The following MPPED1 variants were observed in gnomAD, a reference collection of about 807,000 sequenced individuals.
MPPED1 encodes metallophosphoesterase domain containing 1, also known as metallophosphoesterase domain-containing protein 1.
Under a neutral mutation model 36.2 loss-of-function variants are expected in MPPED1, and 16 were observed. The observed-to-expected ratio is 0.44, with a 90% CI of 0.30 to 0.67. The LOEUF (loss-of-function observed/expected upper bound fraction) is 0.67. Ranked by LOEUF, MPPED1 falls within the 30% of genes least tolerant of loss-of-function variation. The pLI, the probability that MPPED1 is intolerant of heterozygous loss-of-function variation, is 0.10. For missense variants in MPPED1, 307 were observed against 453.4 expected, an observed-to-expected ratio of 0.68 and a Z score of 2.93; for synonymous variants, 199 against 191.3, an observed-to-expected ratio of 1.04 and a Z score of -0.33.
chr22:43,435,004 C>T, intron 2 of MPPED1, 30 bp from the exon 3 acceptor site: 1 of 1,605,914 alleles, frequency 6.2e-7, no homozygotes, highest in East Asian at 2.2e-5. Flanking sequence ...TCCATGGCCT[C>T]CTGATCCGCA....
At chr22:43,491,004 C>G (rs917419049) in intron 4 of MPPED1, among the ~76,000 whole-genome samples, 1 of 152,206 alleles carries the variant, frequency 6.6e-6, no homozygotes, top group African/African-American at 2.4e-5. Context: ...CTCTGTGACT[C>G]AGTCCATGTG....
chr22:43,481,477 A>G (rs574158088), intron 4 of MPPED1, among the ~76,000 whole-genome samples: 1 of 152,146 alleles, frequency 6.6e-6, no homozygotes, highest in African/African-American at 2.4e-5. Context: ...CATAGACCTA[A>G]CTCCAGTGCC....
intron 3 of MPPED1, among the ~76,000 whole-genome samples, chr22:43,438,306 G>A (rs135063): frequency 0.021 from 3,129 of 152,246 alleles, 49 homozygotes; most frequent in Middle Eastern, 0.051. Context: ...TGAGAATGAG[G>A]CAGCCTTGTG....
chr22:43,439,103 T>A (rs73887309), intron 3 of MPPED1, among the ~76,000 whole-genome samples: 69 of 152,336 alleles, frequency 4.5e-4, no homozygotes, highest in African/African-American at 1.6e-3. Flanking sequence ...TCTGCGTGGT[T>A]AAATTCCTGC....
intron 2 of MPPED1, among the ~76,000 whole-genome samples, chr22:43,433,760 G>GA (rs135072): frequency 0.011 from 1,618 of 150,002 alleles, 35 homozygotes; most frequent in African/African-American, 0.038. Flanking sequence ...TATATTGTCT[G>GA]AAAAAAAAAA....
At chr22:43,484,068 G>A (rs1569085001) in intron 4 of MPPED1, among the ~76,000 whole-genome samples, 1 of 152,250 alleles carries the variant, frequency 6.6e-6, no homozygotes, top group South Asian at 2.1e-4. Context: ...TATGTCGCCT[G>A]GTTGCAGGGG....
chr22:43,501,829 C>T (rs1170707471), intron 5 of MPPED1, among the ~76,000 whole-genome samples: 1 of 151,808 alleles, frequency 6.6e-6, no homozygotes, highest in Non-Finnish European at 1.5e-5. Flanking sequence ...TTCTCCCCCT[C>T]CTCCTCCTCC....
chr22:43,419,185 G>C (rs562886794), intron 1 of MPPED1: 1 of 152,226 alleles, frequency 6.6e-6, no homozygotes, highest in Non-Finnish European at 1.5e-5. Context: ...AGACTCAAAG[G>C]CCTGTGTAGT....
chr22:43,448,578 T>TTTTATTTATTTA lies in MPPED1; in HGVS notation c.406+13394_406+13405dup, dbSNP rs135048. Among the ~76,000 whole-genome samples, 1,078 of 147,338 alleles carry TTTTATTTATTTA rather than the reference T, an allele frequency of 7.3e-3. 16 individuals are homozygous for TTTTATTTATTTA. The highest frequency in any genetic ancestry group is 0.025 in the African/African-American group (994 of 39,908). Reference sequence around the variant, plus strand: ...CAAGGTCTAGGCTCTTTTAAAATCTTTTTATTTATTTATTTATTTATTTAT... The same window carrying TTTTATTTATTTA: ...CAAGGTCTAGGCTCTTTTAAAATCTTTTTATTTATTTATTTATTTATTTATTTATTTATTTAT... On this transcript the variant is annotated intron_variant, in intron 3 of 6. Coordinates refer to ENST00000443721, the MANE Select transcript of MPPED1 (RefSeq NM_001044370.2).
At chr22:43,423,649 GTTC>G (rs983266660) in intron 1 of MPPED1, among the ~76,000 whole-genome samples, 7 of 152,280 alleles carry the variant, frequency 4.6e-5, no homozygotes, top group Middle Eastern at 6.8e-3. Context: ...TAATTAAAAT[GTTC>G]TCCAGTCTCT....
chr22:43,472,706 C>T (rs1266445169), intron 3 of MPPED1, among the ~76,000 whole-genome samples: 1 of 152,172 alleles, frequency 6.6e-6, no homozygotes, highest in South Asian at 2.1e-4. Flanking sequence ...TTCTGTCTCG[C>T]CTTGGGGTTC....
At chr22:43,468,184 A>G (rs572657568) in intron 3 of MPPED1, among the ~76,000 whole-genome samples, 73 of 152,254 alleles carry the variant, frequency 4.8e-4, no homozygotes, top group Middle Eastern at 3.2e-3. Flanking sequence ...ATCCACGGCT[A>G]GCAAATGCCA....
At chr22:43,424,869 A>G (rs577201192) in intron 1 of MPPED1, 39 bp from the exon 2 acceptor site, 2 of 1,475,096 alleles carry the variant, frequency 1.4e-6, no homozygotes, top group African/African-American at 2.8e-5. Flanking sequence ...CAAATCCCAA[A>G]CAGATTAACT....
rs568762291 is a variant in MPPED1, at chr22:43,457,861, C to T, written c.407-16875C>T. ...ATTACATTTTTGTGCATTATAAGCTCATTAACACAGTTTTATAACTACAGT... is the reference window on the plus strand; with the variant it reads ...ATTACATTTTTGTGCATTATAAGCTTATTAACACAGTTTTATAACTACAGT... On this transcript the variant is annotated intron_variant, in intron 3 of 6. Coordinates refer to ENST00000443721, the MANE Select transcript of MPPED1 (RefSeq NM_001044370.2). Among the ~76,000 whole-genome samples, 4 of 152,278 alleles carry T rather than the reference C, an allele frequency of 2.6e-5. No homozygotes were observed. In the East Asian group the frequency reaches 7.7e-4, roughly 29 times the overall value.
intron 3 of MPPED1, 124 bp downstream of exon 3, chr22:43,435,339 T>C: frequency 9.3e-7 from 1 of 1,071,344 alleles, no homozygotes; most frequent in African/African-American, 1.6e-5. Flanking sequence ...GGCCTGTGCC[T>C]GCCTGGTCAC....
At chr22:43,441,706 T>C (rs1050708015) in intron 3 of MPPED1, among the ~76,000 whole-genome samples, 2 of 152,174 alleles carry the variant, frequency 1.3e-5, no homozygotes. Context: ...TCCAAGGATT[T>C]AGTGAAATAG....
chr22:43,500,189 GATGGAGGTGGTA>G lies in MPPED1; in HGVS notation c.748+1851_748+1862del, dbSNP rs1444328026. The stretch of plus-strand genomic sequence containing the variant: ...TGGTGATGGAGGTGGTGGTGATGGT[GATGGAGGTGGTA>G]ATGGAGGTGGTGGGGGTGATGGTGG... On this transcript the variant is annotated intron_variant, in intron 5 of 6. Coordinates refer to ENST00000443721, the MANE Select transcript of MPPED1 (RefSeq NM_001044370.2). Among the ~76,000 whole-genome samples the G allele has an allele frequency of 2.7e-4, 20 of 73,500 alleles. 1 individual carries two copies. Among genetic ancestry groups the G allele is most frequent in the Admixed American group, 8.3e-4 (7 of 8,412 alleles). The allele number at this position is 73,500 out of a possible 152,430, so 48.2% of individuals were successfully genotyped here. A position where few individuals can be genotyped will look rare whatever the true frequency, so the allele number is the denominator to read the frequency against.
intron 3 of MPPED1, among the ~76,000 whole-genome samples, chr22:43,453,881 G>A (rs1930660561): frequency 6.6e-6 from 1 of 152,096 alleles, no homozygotes; most frequent in Non-Finnish European, 1.5e-5. Flanking sequence ...AAACATCACT[G>A]CCTTTCCTCT....
chr22:43,452,482 T>C (rs1184616573), intron 3 of MPPED1, among the ~76,000 whole-genome samples: 1 of 151,914 alleles, frequency 6.6e-6, no homozygotes, highest in Non-Finnish European at 1.5e-5. Context: ...GAAGGGACTG[T>C]AGGGGGCCAG....
Sources: gnomAD v4.1 joint callset for allele counts (sites outside exome capture counted in the v4.1 genomes callset) on GRCh38, gnomAD v4.1.1 for gene constraint, MANE v1.5 for transcripts, NCBI Gene and HGNC (gene_info 2026-07-23, HGNC 2026-07-21) for gene names.